The following GABRB3 variants were observed in gnomAD, a reference collection of about 807,000 sequenced individuals.
The protein encoded by GABRB3 is gamma-aminobutyric acid type A receptor subunit beta3.
Under a neutral mutation model 52.1 loss-of-function variants are expected in GABRB3, and 14 were observed. The ratio of observed to expected loss-of-function variants is 0.27; its 90% CI spans 0.18 to 0.42. GABRB3 has a LOEUF of 0.42. GABRB3 is among the 10% of genes least tolerant of loss of function. GABRB3 has a pLI of 1.00. For synonymous variants in GABRB3, 260 were observed against 232.3 expected (o/e 1.12, Z -1.08); for missense variants, 307 against 609.1 (o/e 0.50, Z 5.22).
chr15:26,571,407 G>GC (rs1399321761), intron 6 of GABRB3, among the ~76,000 whole-genome samples: 2 of 152,300 alleles, frequency 1.3e-5, no homozygotes, highest in East Asian at 3.9e-4. Flanking sequence ...TGTGGCCAGA[G>GC]CAAGTCTCAT....
chr15:26,624,876 C>T, intron 3 of GABRB3: 1 of 985,516 alleles, frequency 1.0e-6, no homozygotes, highest in Non-Finnish European at 1.2e-6. Context: ...CATGGTGCCG[C>T]TCCTTGTGAC....
At chr15:26,696,000 T>C (rs2140671706) in intron 3 of GABRB3, among the ~76,000 whole-genome samples, 1 of 152,348 alleles carries the variant, frequency 6.6e-6, no homozygotes, top group South Asian at 2.1e-4. Flanking sequence ...AAGTAAATTC[T>C]ACATGGGGAA....
chr15:26,581,748 A>G (rs1223704872), intron 5 of GABRB3, among the ~76,000 whole-genome samples: 1 of 152,204 alleles, frequency 6.6e-6, no homozygotes, highest in Admixed American at 6.5e-5. Flanking sequence ...AACCTTTTGC[A>G]GAAGCCTTCC....
chr15:26,614,073 G>A (rs1463675074), intron 4 of GABRB3: 1 of 152,246 alleles, frequency 6.6e-6, no homozygotes, highest in Non-Finnish European at 1.5e-5. Context: ...CAGGACTGCA[G>A]GAGCCAAGTC....
chr15:26,577,468 G>A (rs533459419), intron 6 of GABRB3, among the ~76,000 whole-genome samples: 2 of 152,168 alleles, frequency 1.3e-5, no homozygotes, highest in Admixed American at 6.5e-5. Flanking sequence ...AGAGGAAATC[G>A]TGCCACTGCA....
chr15:26,772,545 T>C, intron 2 of GABRB3, 76 bp from the exon 3 acceptor site: 6 of 1,506,132 alleles, frequency 4.0e-6, no homozygotes, highest in Non-Finnish European at 5.4e-6. Context: ...CTGGGGGCTA[T>C]CCCAGGAGGG....
At chr15:26,702,821 T>C (rs1579372) in intron 3 of GABRB3, among the ~76,000 whole-genome samples, 63,042 of 152,084 alleles carry the variant, frequency 0.41, 13,829 homozygotes, top group African/African-American at 0.56. Context: ...TTAATCCATT[T>C]AGGCAGTTAC....
intron 3 of GABRB3, among the ~76,000 whole-genome samples, chr15:26,736,158 A>G (rs1887581336): frequency 6.6e-6 from 1 of 152,216 alleles, no homozygotes; most frequent in African/African-American, 2.4e-5. Context: ...GGATAGTGGC[A>G]ATTATTGCAC....
intron 3 of GABRB3, among the ~76,000 whole-genome samples, chr15:26,665,998 A>G (rs1439551774): frequency 1.3e-5 from 2 of 152,206 alleles, no homozygotes; most frequent in African/African-American, 4.8e-5. Flanking sequence ...GATAATCCAA[A>G]GTAGAAACCC....
chr15:26,663,346 A>C (rs1752805749), intron 3 of GABRB3, among the ~76,000 whole-genome samples: 1 of 152,140 alleles, frequency 6.6e-6, no homozygotes, highest in African/African-American at 2.4e-5. Flanking sequence ...TCCAACTATA[A>C]TTGTGAATTT....
chr15:26,556,329 T>C (rs1777848363), intron 8 of GABRB3, among the ~76,000 whole-genome samples: 1 of 152,208 alleles, frequency 6.6e-6, no homozygotes, highest in Admixed American at 6.5e-5. Flanking sequence ...CATTCTCTAA[T>C]TTTCTTCCAG....
At chr15:26,768,470 T>C (rs1344664663) in intron 3 of GABRB3, among the ~76,000 whole-genome samples, 1 of 152,172 alleles carries the variant, frequency 6.6e-6, no homozygotes, top group African/African-American at 2.4e-5. Context: ...AAATTAAAAA[T>C]CCCTAATTGT....
intron 3 of GABRB3, among the ~76,000 whole-genome samples, chr15:26,765,911 T>C (rs1336119368): frequency 1.3e-5 from 2 of 152,074 alleles, no homozygotes; most frequent in Non-Finnish European, 2.9e-5. Flanking sequence ...GGTAGAAAGA[T>C]CAAAGAAGCA....
At chr15:26,709,290 G>T (rs1223038341) in intron 3 of GABRB3, among the ~76,000 whole-genome samples, 1 of 152,098 alleles carries the variant, frequency 6.6e-6, no homozygotes, top group African/African-American at 2.4e-5. Context: ...TCTGGGCAAG[G>T]AGTGAGTTCT....
intron 7 of GABRB3, among the ~76,000 whole-genome samples, 168 bp from the exon 8 acceptor site, chr15:26,561,344 C>G (rs1488914130): frequency 1.3e-5 from 2 of 152,214 alleles, no homozygotes; most frequent in Non-Finnish European, 2.9e-5. Context: ...ATTTGCACCG[C>G]ACGTCACCAC....
intron 4 of GABRB3, among the ~76,000 whole-genome samples, chr15:26,594,342 T>G (rs1327605363): frequency 6.6e-6 from 1 of 152,086 alleles, no homozygotes; most frequent in Non-Finnish European, 1.5e-5. Flanking sequence ...TCAGATTCTT[T>G]CCTTTGCCCA....
chr15:26,582,782 A>C (rs1486992346), intron 5 of GABRB3, among the ~76,000 whole-genome samples: 1 of 152,214 alleles, frequency 6.6e-6, no homozygotes, highest in Non-Finnish European at 1.5e-5. Context: ...CAACAACAAA[A>C]ACCATATCCT....
rs118047962 is a variant in GABRB3 at position 26,624,938 on chromosome 15, G to A, written c.241-3404C>T. 5.7e-5 allele frequency: 56 copies of A among 985,540 alleles called. No individual in the cohort carries two copies. In the East Asian group the frequency reaches 5.1e-3, roughly 90 times the overall value. 61.0% of individuals were successfully genotyped at this position (985,540 alleles called of 1,614,324 possible). A position where few individuals can be genotyped will look rare whatever the true frequency, so the allele number is the denominator to read the frequency against. On this transcript the variant is annotated intron_variant, in intron 3 of 8. Coordinates refer to ENST00000311550, the MANE Select transcript of GABRB3 (RefSeq NM_000814.6). ...ACAGCGGGCAGCCGCTTGTGTGAGT[G>A]ATCCTTCAGCAAACTCCACGCCCTG...
At chr15:26,582,466 C>T (rs911734246) in intron 5 of GABRB3, among the ~76,000 whole-genome samples, 1 of 152,188 alleles carries the variant, frequency 6.6e-6, no homozygotes, top group African/African-American at 2.4e-5. Context: ...TTCAACTTTG[C>T]ATCACTTGAC....
Sources: allele counts gnomAD v4.1 joint callset (sites outside exome capture counted in the v4.1 genomes callset), GRCh38; gene constraint gnomAD v4.1.1; transcripts MANE v1.5; gene names NCBI Gene and HGNC (gene_info 2026-07-23, HGNC 2026-07-21).